Variants in ITGB5 observed in about 807,000 individuals in gnomAD.
The protein encoded by ITGB5 is integrin beta-5.
In ITGB5, 38 loss-of-function variants were observed where a neutral mutation model predicts 84.8. That is an observed-to-expected ratio of 0.45 (90% CI 0.35 to 0.59). ITGB5 has a LOEUF of 0.59. Among genes scored for constraint, ITGB5 ranks in the 20% least tolerant of loss-of-function variants. The pLI is 0.01. For synonymous variants in ITGB5, 393 were observed against 414.4 expected (o/e 0.95, Z 0.63); for missense variants, 905 against 1,034.5 (o/e 0.87, Z 1.72).
chr3:124,825,716 G>A (rs1402962452), intron 5 of ITGB5, among the ~76,000 whole-genome samples: 1 of 152,194 alleles, frequency 6.6e-6, no homozygotes, highest in East Asian at 1.9e-4. Context: ...GGCATGCTGG[G>A]AAACTTTCCG....
At chr3:124,823,507 G>A (rs1170231936) in intron 5 of ITGB5, among the ~76,000 whole-genome samples, 4 of 151,668 alleles carry the variant, frequency 2.6e-5, no homozygotes, top group Non-Finnish European at 5.9e-5. Flanking sequence ...ATGGGTAGGA[G>A]TTGGAATAGT....
chr3:124,809,346 T>C, intron 8 of ITGB5, 190 bp from the exon 9 acceptor site: 1 of 587,510 alleles, frequency 1.7e-6, no homozygotes, highest in Non-Finnish European at 3.0e-6. Context: ...CACAACATCT[T>C]GCTAGACCCA....
At chr3:124,838,591 A>G (rs539657293) in intron 5 of ITGB5, among the ~76,000 whole-genome samples, 4 of 152,224 alleles carry the variant, frequency 2.6e-5, no homozygotes, top group African/African-American at 9.6e-5. Flanking sequence ...CTTACATATT[A>G]TTCAAGTCAT....
intron 2 of ITGB5, among the ~76,000 whole-genome samples, chr3:124,872,417 A>C (rs974997850): frequency 1.3e-5 from 2 of 152,184 alleles, no homozygotes; most frequent in Non-Finnish European, 2.9e-5. Context: ...GAGATATTGT[A>C]TGATGTACAA....
intron 3 of ITGB5, among the ~76,000 whole-genome samples, chr3:124,855,969 G>T (rs188809776): frequency 2.0e-5 from 3 of 151,986 alleles, no homozygotes; most frequent in African/African-American, 7.3e-5. Context: ...TTGGGTTCTT[G>T]TTGTTGTTGT....
chr3:124,880,116 A>C (rs1934503657), intron 1 of ITGB5, among the ~76,000 whole-genome samples: 1 of 152,234 alleles, frequency 6.6e-6, no homozygotes, highest in Non-Finnish European at 1.5e-5. Flanking sequence ...AAAATATCTG[A>C]CCAGTGCTTC....
Position 124,859,222 on chromosome 3 carries a change from C to A in ITGB5, c.361+20G>T. On this transcript the variant is annotated intron_variant, in intron 3 of 14. Transcript: ENST00000296181. ...CCTTCCTGATCCCAGAGCATCCAGCCCTTTCTGTGGGCAACTCACCGGGCC... is the reference window on the plus strand; with the variant it reads ...CCTTCCTGATCCCAGAGCATCCAGCACTTTCTGTGGGCAACTCACCGGGCC... 6.2e-7 allele frequency: 1 copy of A among 1,610,400 alleles called. No individual in the cohort carries two copies. Among genetic ancestry groups the A allele is most frequent in the Non-Finnish European group, 8.5e-7 (1 of 1,177,724 alleles).
rs536294354 is a variant in ITGB5 at position 124,869,276 on chromosome 3, T to C, written c.156+4170A>G. On this transcript the variant is annotated intron_variant, in intron 2 of 14. Coordinates refer to ENST00000296181, the MANE Select transcript of ITGB5 (RefSeq NM_002213.5). The stretch of plus-strand genomic sequence containing the variant: ...ACTCTGTCTTGCTAAGGGGTACAGG[T>C]TGATCAAAACCATTTGTGGCCAGGC... Among the ~76,000 whole-genome samples, 35 of 152,170 alleles carry C rather than the reference T, an allele frequency of 2.3e-4. 1 individual carries two copies. The South Asian group carries it at 7.1e-3, about 31-fold the overall frequency.
chr3:124,865,489 T>TC (rs1216434749), intron 2 of ITGB5, among the ~76,000 whole-genome samples: 1 of 139,090 alleles, frequency 7.2e-6, no homozygotes, highest in Non-Finnish European at 1.6e-5. Flanking sequence ...TTCTTTTTTT[T>TC]TTTTTTTTTT....
intron 10 of ITGB5, among the ~76,000 whole-genome samples, chr3:124,783,013 G>A (rs1460717868): frequency 2.6e-5 from 4 of 151,250 alleles, no homozygotes; most frequent in African/African-American, 7.3e-5. Flanking sequence ...TAAACAGGCC[G>A]GGCATGGTGG....
intron 5 of ITGB5, among the ~76,000 whole-genome samples, chr3:124,824,186 C>T (rs1356898069): frequency 1.3e-5 from 2 of 152,120 alleles, no homozygotes; most frequent in African/African-American, 2.4e-5. Context: ...AGACTTATTA[C>T]AAAGCTACAG....
At chr3:124,859,506 G>A (rs1234446537) in intron 2 of ITGB5, 60 bp from the exon 3 acceptor site, 6 of 1,346,944 alleles carry the variant, frequency 4.5e-6, no homozygotes, top group African/African-American at 1.5e-5. Context: ...CGAAAACATC[G>A]CATGTCGTGG....
chr3:124,858,028 G>C (rs562676720), intron 3 of ITGB5, among the ~76,000 whole-genome samples: 3 of 151,836 alleles, frequency 2.0e-5, no homozygotes, highest in Non-Finnish European at 2.9e-5. Context: ...CAGCTATTAG[G>C]GAGGCTGAGG....
At chr3:124,826,303 G>A (rs1439376366) in intron 5 of ITGB5, among the ~76,000 whole-genome samples, 1 of 152,158 alleles carries the variant, frequency 6.6e-6, no homozygotes, top group Non-Finnish European at 1.5e-5. Context: ...GGGTCTTGTG[G>A]GGACACAAAG....
rs1559989390 is a variant in ITGB5, at chr3:124,887,082, G to T, written c.-82C>A. 12 of 487,916 alleles carry T rather than the reference G, an allele frequency of 2.5e-5. No homozygotes were observed. Among genetic ancestry groups the T allele is most frequent in the Non-Finnish European group, 3.2e-5 (12 of 376,998 alleles). The allele number at this position is 487,916 out of a possible 1,614,324, so 30.2% of individuals were successfully genotyped here. On this transcript the variant is annotated 5_prime_UTR_variant, in exon 1 of 15. Coordinates refer to ENST00000296181, the MANE Select transcript of ITGB5 (RefSeq NM_002213.5). ...CCGGGGCTGGGGCCGGAGCGCGGGG[G>T]CCGAGGGCCGGGGGCCGCAGCCGCA... is the stretch of plus-strand genomic sequence containing the variant.
chr3:124,796,323 T>C, intron 10 of ITGB5, 65 bp downstream of exon 10: 1 of 1,419,612 alleles, frequency 7.0e-7, no homozygotes, highest in Non-Finnish European at 9.7e-7. Flanking sequence ...AGGCAGGCTT[T>C]GGGAGGGTGT....
intron 8 of ITGB5, among the ~76,000 whole-genome samples, chr3:124,816,074 C>G (rs1238177826): frequency 6.6e-6 from 1 of 152,062 alleles, no homozygotes; most frequent in Non-Finnish European, 1.5e-5. Context: ...TCTGTGAGAG[C>G]AAGAGGACCC....
intron 4 of ITGB5, among the ~76,000 whole-genome samples, chr3:124,843,430 G>C (rs1267209290): frequency 6.6e-6 from 1 of 152,180 alleles, no homozygotes; most frequent in Non-Finnish European, 1.5e-5. Flanking sequence ...TGTTTAACCA[G>C]GAAAGCTGTG....
chr3:124,839,065 T>C (rs1579277283), intron 5 of ITGB5, among the ~76,000 whole-genome samples: 1 of 152,324 alleles, frequency 6.6e-6, no homozygotes, highest in Admixed American at 6.5e-5. Flanking sequence ...AATTGCTTAG[T>C]ATGCACCTGA....
Sources: gnomAD v4.1 joint callset for allele counts (sites outside exome capture counted in the v4.1 genomes callset) on GRCh38, gnomAD v4.1.1 for gene constraint, MANE v1.5 for transcripts, NCBI Gene and HGNC (gene_info 2026-07-23, HGNC 2026-07-21) for gene names.